NLRC5: variants seen among roughly 807,000 people sequenced by gnomAD.
NLRC5 encodes NLR family CARD domain containing 5.
A neutral mutation model predicts 206.9 loss-of-function variants in NLRC5; 114 were observed. The observed-to-expected ratio is 0.55, with a 90% CI of 0.47 to 0.64. NLRC5 has a LOEUF of 0.64. Ranked by LOEUF, NLRC5 falls within the 30% of genes least tolerant of loss-of-function variation. The probability of loss-of-function intolerance (pLI) is 0.00; values close to 1 mark genes in which losing one functional copy is unlikely to be tolerated. For synonymous variants in NLRC5, 952 were observed against 962.8 expected, an observed-to-expected ratio of 0.99 and a Z score of 0.21; for missense variants, 2,008 against 2,305.5, an observed-to-expected ratio of 0.87 and a Z score of 2.64.
intron 8 of NLRC5, among the ~76,000 whole-genome samples, chr16:57,029,139 C>T (rs961241406): frequency 1.3e-5 from 2 of 152,164 alleles, no homozygotes; most frequent in African/African-American, 4.8e-5. Context: ...ATCTGTGAAC[C>T]GTGATTAAGC....
Position 57,061,470 on chromosome 16 carries a change from C to T in NLRC5, c.4009C>T (p.Pro1337Ser), listed in dbSNP as rs1452407406. The change falls in exon 31 of 49, where the codon CCA becomes TCA. Residue 1337 changes from proline to serine, a missense_variant. Transcript: ENST00000688547. ...TLRLSECSFR[P>S]EHVSRLATGL... is the part of the protein sequence containing the mutation. ...CAGGCTAAGTGAGTGCAGCTTCCGG[C>T]CAGAGCACGTGTCCAGGCTGGCCAC... The T allele has an allele frequency of 8.7e-6, 14 of 1,611,340 alleles. No individual in the cohort carries two copies. The highest frequency in any genetic ancestry group is 1.3e-5 in the African/African-American group (1 of 74,950).
chr16:57,002,593 A>G lies in NLRC5; in HGVS notation c.-128+12976A>G, dbSNP rs528645580. ...CCTTTCTTTTGGGTATATACCTAGCAGTGGGATTGCTGGATCATATGGTAG... is the reference window on the plus strand; with the variant it reads ...CCTTTCTTTTGGGTATATACCTAGCGGTGGGATTGCTGGATCATATGGTAG... On this transcript the variant is annotated intron_variant, in intron 1 of 48. Coordinates refer to ENST00000688547, the MANE Select transcript of NLRC5 (RefSeq NM_001384950.1). Among the ~76,000 whole-genome samples, 30 of 151,026 alleles carry G rather than the reference A, an allele frequency of 2.0e-4. No homozygotes were observed. In the South Asian group the frequency reaches 2.7e-3, roughly 14 times the overall value.
chr16:57,067,570 C>T (rs776719198), intron 35 of NLRC5, 100 bp downstream of exon 35: 257 of 1,410,278 alleles, frequency 1.8e-4, no homozygotes, highest in Middle Eastern at 7.2e-4. Flanking sequence ...CTTCCTTGTG[C>T]AGGAGAAAAT....
chr16:57,054,924 C>T lies in NLRC5; in HGVS notation c.3596+84C>T, dbSNP rs1279144962. 4 of 1,577,668 alleles carry T rather than the reference C, an allele frequency of 2.5e-6. No individual in the cohort carries two copies. The African/African-American group carries it at 4.0e-5, about 16-fold the overall frequency. On this transcript the variant is annotated intron_variant, in intron 25 of 48. Coordinates refer to ENST00000688547, the MANE Select transcript of NLRC5 (RefSeq NM_001384950.1). ...TGGGTATGAGGGGGTAGGATGAAGACAGTAGGACCCAACTAGAGGCTGGGC... is the reference window on the plus strand; with the variant it reads ...TGGGTATGAGGGGGTAGGATGAAGATAGTAGGACCCAACTAGAGGCTGGGC...
In NLRC5 at chr16:57,061,622, A is replaced by G. The variant is rs1237951468; in HGVS notation, c.4075A>G (p.Thr1359Ala). 6.2e-7 allele frequency: 1 copy of G among 1,610,236 alleles called. No homozygotes were observed. The highest frequency in any genetic ancestry group is 1.7e-5 in the Admixed American group (1 of 59,962). The stretch of plus-strand genomic sequence containing the variant: ...GTGACTGACCTCTGTCTCCAGGCTG[A>G]CCCAGTGCTGCCTGGGCCAGAAGCA... ...KSLQLTELTLTQCCLGQKQLA... is the reference protein window; with the variant it reads ...KSLQLTELTLAQCCLGQKQLA... Residue 1359 changes from threonine to alanine, a missense_variant, in exon 32 of 49, where the codon ACC (threonine) becomes GCC (alanine). Coordinates refer to ENST00000688547, the MANE Select transcript of NLRC5 (RefSeq NM_001384950.1).
chr16:57,059,332 G>T, intron 29 of NLRC5, 135 bp from the exon 30 acceptor site: 1 of 1,479,566 alleles, frequency 6.8e-7, no homozygotes, highest in Non-Finnish European at 9.0e-7. Context: ...GGTCTCCTCT[G>T]GTTCTGAGGC....
chr16:57,000,329 C>G (rs2058100481), intron 1 of NLRC5, among the ~76,000 whole-genome samples: 1 of 152,132 alleles, frequency 6.6e-6, no homozygotes, highest in Non-Finnish European at 1.5e-5. Flanking sequence ...GTGGAAAGTT[C>G]AAGCCTTTAG....
At chr16:57,013,922 A>G (rs2059758295) in intron 1 of NLRC5, 9 of 503,208 alleles carry the variant, frequency 1.8e-5, no homozygotes, top group South Asian at 1.7e-4. Context: ...CTGGTTTTCA[A>G]TTTTTACTGC....
Position 57,076,775 on chromosome 16 carries a change from T to C in NLRC5, c.4752-44T>C, listed in dbSNP as rs1477159271. 5 of 1,586,570 alleles carry C rather than the reference T, an allele frequency of 3.2e-6. No homozygotes were observed. The Admixed American group carries it at 6.7e-5, about 21-fold the overall frequency. On this transcript the variant is annotated intron_variant, in intron 39 of 48. Transcript: ENST00000688547. ...TCTTAGCACAGCACCTGCAAAGGCC[T>C]TTAAGCTCCTGAAAGCCTCTTGGTC...
At chr16:57,012,496 G>A (rs2059606874) in intron 1 of NLRC5, among the ~76,000 whole-genome samples, 1 of 152,202 alleles carries the variant, frequency 6.6e-6, no homozygotes, top group East Asian at 1.9e-4. Context: ...CGCACAGCAG[G>A]TGGTGAGCGG....
intron 20 of NLRC5, among the ~76,000 whole-genome samples, chr16:57,044,164 A>G (rs1212662981): frequency 6.8e-6 from 1 of 146,032 alleles, no homozygotes; most frequent in African/African-American, 2.6e-5. Context: ...AAAAAAAAGT[A>G]TCTGGGCGTG....
intron 14 of NLRC5, 42 bp from the exon 15 acceptor site, chr16:57,037,153 C>A (rs368358995): frequency 2.6e-6 from 4 of 1,563,996 alleles, no homozygotes; most frequent in Non-Finnish European, 3.5e-6. Flanking sequence ...GGCTGGGTAC[C>A]TCAGCCACAT....
chr16:57,067,786 T>A lies in NLRC5; in HGVS notation c.4457T>A (p.Leu1486Gln). ...GACGATGATGCCAGTTCCCTGCTGCTGCAGAGCCTCCTGCTGTCCCTCTCT... is the reference window on the plus strand; with the variant it reads ...GACGATGATGCCAGTTCCCTGCTGCAGCAGAGCCTCCTGCTGTCCCTCTCT... ...CEDDDASSLL[L>Q]QSLLLSLSEL... The change falls in exon 36 of 49, where the codon CTG becomes CAG. Residue 1486 changes from leucine (L) to glutamine (Q), a missense_variant. By Grantham distance (113) the Leu-to-Gln change is moderately radical. Transcript: ENST00000688547. 6.2e-7 allele frequency: 1 copy of A among 1,614,216 alleles called. No homozygotes were observed. The highest frequency in any genetic ancestry group is 8.5e-7 in the Non-Finnish European group (1 of 1,180,008).
At chr16:57,072,704 T>C (rs1248163153) in intron 38 of NLRC5, among the ~76,000 whole-genome samples, 1 of 45,204 alleles carries the variant, frequency 2.2e-5, no homozygotes, top group Non-Finnish European at 4.7e-5. Flanking sequence ...CTTTTTCTGA[T>C]GACCAAAAAA....
chr16:57,038,974 A>G (rs1889607006), intron 15 of NLRC5, among the ~76,000 whole-genome samples: 1 of 151,814 alleles, frequency 6.6e-6, no homozygotes, highest in African/African-American at 2.4e-5. Flanking sequence ...AGCATGGTAT[A>G]TATAATCTGT....
chr16:57,048,476 C>T (rs1299964621), intron 23 of NLRC5: 8 of 152,212 alleles, frequency 5.3e-5, no homozygotes, highest in Non-Finnish European at 2.9e-5. Flanking sequence ...TGGAGTGTGG[C>T]CTTCCCATGT....
chr16:57,044,314 A>AG (rs2063671828), intron 20 of NLRC5, among the ~76,000 whole-genome samples: 1 of 151,392 alleles, frequency 6.6e-6, no homozygotes, highest in African/African-American at 2.4e-5. Context: ...CAAAAAAAAA[A>AG]AGAAAAGAAA....
intron 1 of NLRC5, among the ~76,000 whole-genome samples, chr16:57,006,782 T>A (rs961814872): frequency 6.6e-6 from 1 of 152,032 alleles, no homozygotes; most frequent in African/African-American, 2.4e-5. Flanking sequence ...ACCACTTTGG[T>A]AGATAAAGGT....
chr16:57,060,893 G>A (rs1488962413), intron 30 of NLRC5, among the ~76,000 whole-genome samples: 1 of 152,226 alleles, frequency 6.6e-6, no homozygotes, highest in South Asian at 2.1e-4. Flanking sequence ...ACTTGGCTGG[G>A]CCCGTCTGCT....
Sources: allele counts gnomAD v4.1 joint callset (sites outside exome capture counted in the v4.1 genomes callset), GRCh38; gene constraint gnomAD v4.1.1; transcripts MANE v1.5; gene names NCBI Gene and HGNC (gene_info 2026-07-23, HGNC 2026-07-21).